FHOD1: variants seen among roughly 807,000 people sequenced by gnomAD.
The protein encoded by FHOD1 is formin homology 2 domain containing 1, also known as FH1/FH2 domain-containing protein 1.
In FHOD1, 89 loss-of-function variants were observed where a neutral mutation model predicts 111.6. That is an observed-to-expected ratio of 0.80 (90% CI 0.67 to 0.95). FHOD1 has a LOEUF of 0.95. Among genes scored for constraint, FHOD1 ranks in the 40% least tolerant of loss-of-function variants. The probability of loss-of-function intolerance (pLI) is 0.00; values close to 1 mark genes in which losing one functional copy is unlikely to be tolerated. For missense variants in FHOD1, 1,446 were observed against 1,554.2 expected (o/e 0.93, Z 1.17); for synonymous variants, 618 against 639.0 (o/e 0.97, Z 0.50).
At chr16:67,233,264 T>G (rs2034347460) in intron 13 of FHOD1, among the ~76,000 whole-genome samples, 2 of 151,946 alleles carry the variant, frequency 1.3e-5, no homozygotes, top group South Asian at 4.2e-4. Flanking sequence ...TTTTGTGTTT[T>G]TAGTAGAGAC....
At chr16:67,234,735 C>G (rs970280656) in intron 11 of FHOD1, 1 of 471,728 alleles carries the variant, frequency 2.1e-6, no homozygotes, top group Non-Finnish European at 3.8e-6. Flanking sequence ...AACTTGCAAC[C>G]TCGTTCATGT....
At chr16:67,239,218 G>A in intron 2 of FHOD1, 130 bp downstream of exon 2, 3 of 794,464 alleles carry the variant, frequency 3.8e-6, no homozygotes, top group Non-Finnish European at 4.3e-6. Flanking sequence ...AATTCCCCTG[G>A]CACACTTCCC....
rs2034569593 is a variant in FHOD1 at position 67,238,357 on chromosome 16, C to T, written c.441+23G>A. ...GGGAAGCTTGGGCTACACACTTACC[C>T]CCAGCCCACTGCGGGGCCTCACCTG... On this transcript the variant is annotated intron_variant, in intron 4 of 21. Transcript: ENST00000258201. The surrounding 1 kb of genome is among the most constrained non-coding windows in gnomAD (Gnocchi z 4.2). The T allele has an allele frequency of 6.2e-7, 1 of 1,614,104 alleles. No individual in the cohort carries two copies. Among genetic ancestry groups the T allele is most frequent in the African/African-American group, 1.3e-5 (1 of 75,038 alleles).
intron 1 of FHOD1, among the ~76,000 whole-genome samples, chr16:67,241,416 C>A (rs150542344): frequency 2.0e-5 from 3 of 152,204 alleles, no homozygotes; most frequent in African/African-American, 4.8e-5. Flanking sequence ...ACCCCACCCC[C>A]ATTCAGGCAC....
At chr16:67,236,455 A>G in intron 11 of FHOD1, 102 bp downstream of exon 11, 1 of 1,525,002 alleles carries the variant, frequency 6.6e-7, no homozygotes, top group Non-Finnish European at 8.8e-7. Flanking sequence ...AGAGAGAGAA[A>G]GCACGCGTTT....
Position 67,234,347 on chromosome 16 carries a change from A to G in FHOD1, c.1435+10T>C. On this transcript the variant is annotated intron_variant, in intron 12 of 21. Coordinates refer to ENST00000258201, the MANE Select transcript of FHOD1 (RefSeq NM_013241.3). ...ACAGGCAGGCTCTGCCTGCTCACCCACCTACTCACCTGGGTGTCCACCCGC... is the reference window on the plus strand; with the variant it reads ...ACAGGCAGGCTCTGCCTGCTCACCCGCCTACTCACCTGGGTGTCCACCCGC... 16 of 1,607,460 alleles carry G rather than the reference A, an allele frequency of 1.0e-5. No individual in the cohort carries two copies. Among genetic ancestry groups the G allele is most frequent in the Non-Finnish European group, 1.4e-5 (16 of 1,177,794 alleles).
Position 67,237,888 on chromosome 16 carries a change from G to A in FHOD1, c.643-120C>T. On this transcript the variant is annotated intron_variant, in intron 6 of 21. Coordinates refer to ENST00000258201, the MANE Select transcript of FHOD1 (RefSeq NM_013241.3). This position sits in a 1 kb window ranked among gnomAD's most constrained non-coding sequence, Gnocchi z 5.6. ...GAGAGAATCTAGGCAGAATGACCCTGGCCCCAGGCCCAGGCACTGAAGTGC... is the reference window on the plus strand; with the variant it reads ...GAGAGAATCTAGGCAGAATGACCCTAGCCCCAGGCCCAGGCACTGAAGTGC... The A allele has an allele frequency of 7.7e-7, 1 of 1,305,428 alleles. No homozygotes were observed. The highest frequency in any genetic ancestry group is 2.3e-5 in the East Asian group (1 of 43,160). 80.9% of individuals were successfully genotyped at this position (1,305,428 alleles called of 1,614,324 possible). A position where few individuals can be genotyped will look rare whatever the true frequency, so the allele number is the denominator to read the frequency against.
chr16:67,244,260 T>C (rs1449955969), intron 1 of FHOD1, among the ~76,000 whole-genome samples: 1 of 151,872 alleles, frequency 6.6e-6, no homozygotes, highest in Admixed American at 6.5e-5. Context: ...GGGCCTTGGG[T>C]ATCGGAGAGG....
At chr16:67,234,679 C>G in intron 11 of FHOD1, 1 of 521,270 alleles carries the variant, frequency 1.9e-6, no homozygotes. Context: ...ACTACCAACC[C>G]AGCATTCCCA....
intron 1 of FHOD1, chr16:67,246,837 AG>A (rs2034860164): frequency 4.4e-6 from 1 of 226,010 alleles, no homozygotes; most frequent in Admixed American, 5.8e-5. Flanking sequence ...CACCTGAAGC[AG>A]GTGGAAGCTG....
At chr16:67,230,253 G>A (rs772244488) in intron 19 of FHOD1, 25 bp from the exon 20 acceptor site, 1 of 1,613,680 alleles carries the variant, frequency 6.2e-7, no homozygotes, top group Non-Finnish European at 8.5e-7. Flanking sequence ...AGGGTGAGCT[G>A]GGAGGAGCGA....
intron 1 of FHOD1, 172 bp downstream of exon 1, chr16:67,247,033 CAACTT>C (rs1367268175): frequency 1.4e-6 from 1 of 692,664 alleles, no homozygotes; most frequent in Non-Finnish European, 2.3e-6. Context: ...AGTTTCCCCT[CAACTT>C]GAGAGGGGAC....
At chr16:67,236,278 C>A in intron 11 of FHOD1, 1 of 938,048 alleles carries the variant, frequency 1.1e-6, no homozygotes, top group Non-Finnish European at 1.5e-6. Flanking sequence ...GGCAGCAGAA[C>A]AAGGGAGTGA....
chr16:67,231,695 C>A lies in FHOD1; in HGVS notation c.2327G>T (p.Gly776Val), dbSNP rs751725905. The A allele has an allele frequency of 1.2e-6, 2 of 1,614,082 alleles. No individual in the cohort carries two copies. Among genetic ancestry groups the A allele is most frequent in the Non-Finnish European group, 1.7e-6 (2 of 1,180,040 alleles). The change falls in exon 15 of 22, where the codon GGC becomes GTC. Residue 776 changes from glycine to valine, a missense_variant. By Grantham distance (109) the Gly-to-Val change is moderately radical (BLOSUM62 -3). Around this residue, in one of 3 missense-constraint regions of FHOD1, gnomAD observed 1,085 missense variants for 1,108.8 expected, o/e 0.98. Transcript: ENST00000258201. The surrounding 1 kb of genome is among the most constrained non-coding windows in gnomAD (Gnocchi z 4.3). ...NFLMTLASIGGLAARLQLWAF... is the reference protein window; with the variant it reads ...NFLMTLASIGVLAARLQLWAF... ...CCAGAGTTGTAGACGAGCAGCGAGGCCGCCAATGGAGGCAAGAGTCATCAG... is the reference window on the plus strand; with the variant it reads ...CCAGAGTTGTAGACGAGCAGCGAGGACGCCAATGGAGGCAAGAGTCATCAG...
At position 67,238,571 on chromosome 16, in the gene FHOD1, G is replaced by T; in HGVS notation, c.374-124C>A. 1 of 936,210 alleles carries T rather than the reference G, an allele frequency of 1.1e-6. No individual in the cohort carries two copies. Among genetic ancestry groups the T allele is most frequent in the Non-Finnish European group, 1.7e-6 (1 of 595,710 alleles). 58.0% of individuals were successfully genotyped at this position (936,210 alleles called of 1,614,324 possible). ...TATATGTTTTGGTCTGAGAGACAGG[G>T]TCTCACTCTGTCACTCAGGCTGGAG... On this transcript the variant is annotated intron_variant, in intron 3 of 21. Transcript: ENST00000258201. This position sits in a 1 kb window ranked among gnomAD's most constrained non-coding sequence, Gnocchi z 4.2.
At chr16:67,241,976 T>C (rs2034680819) in intron 1 of FHOD1, among the ~76,000 whole-genome samples, 1 of 138,450 alleles carries the variant, frequency 7.2e-6, no homozygotes, top group African/African-American at 2.5e-5. Flanking sequence ...GTCCACCTTC[T>C]TTTTTTTTTT....
Position 67,238,678 on chromosome 16 carries a change from A to G in FHOD1, c.373+225T>C, listed in dbSNP as rs913666996. 22 of 656,918 alleles carry G rather than the reference A, an allele frequency of 3.3e-5. No individual in the cohort carries two copies. In the African/African-American group the frequency reaches 4.0e-4, roughly 12 times the overall value. 40.7% of individuals were successfully genotyped at this position (656,918 alleles called of 1,614,324 possible). A position where few individuals can be genotyped will look rare whatever the true frequency, so the allele number is the denominator to read the frequency against. ...GCAATTCTCCCACCTTGACCTCTCA[A>G]AGCACTGGCATTGGAGGCATGAGCT... On this transcript the variant is annotated intron_variant, in intron 3 of 21. Transcript: ENST00000258201. This position sits in a 1 kb window ranked among gnomAD's most constrained non-coding sequence, Gnocchi z 4.2.
intron 1 of FHOD1, among the ~76,000 whole-genome samples, chr16:67,243,947 G>A (rs921633075): frequency 6.6e-6 from 1 of 152,172 alleles, no homozygotes; most frequent in Non-Finnish European, 1.5e-5. Flanking sequence ...AGGCTAGGAG[G>A]AGACCAGGAC....
At chr16:67,246,818 C>T (rs1398596894) in intron 1 of FHOD1, 7 of 218,902 alleles carry the variant, frequency 3.2e-5, no homozygotes, top group Non-Finnish European at 6.3e-5. Flanking sequence ...CGTGGTCCCG[C>T]CCCCACCTCA....
Sources: gnomAD v4.1 joint callset for allele counts (sites outside exome capture counted in the v4.1 genomes callset) on GRCh38, gnomAD v4.1.1 for gene constraint, gnomAD v4.1.1 regional missense constraint, Gnocchi (gnomAD v3.1) non-coding constraint, MANE v1.5 for transcripts, NCBI Gene and HGNC (gene_info 2026-07-23, HGNC 2026-07-21) for gene names.